DNAJC5: variants seen among roughly 807,000 people sequenced by gnomAD.
DNAJC5 encodes the protein dnaJ homolog subfamily C member 5.
Under a neutral mutation model 23.2 loss-of-function variants are expected in DNAJC5, and 1 was observed. That is an observed-to-expected ratio of 0.04 (90% CI 0.02 to 0.20). The LOEUF is 0.20. DNAJC5 is among the 10% of genes least tolerant of loss of function. DNAJC5 has a pLI of 1.00. For synonymous variants in DNAJC5, 136 were observed against 120.0 expected (o/e 1.13, Z -0.87); for missense variants, 180 against 267.0 (o/e 0.67, Z 2.27).
intron 1 of DNAJC5, among the ~76,000 whole-genome samples, chr20:63,895,676 C>T (rs1434948678): frequency 6.6e-6 from 1 of 152,038 alleles, no homozygotes; most frequent in African/African-American, 2.4e-5. Context: ...CCCGGGGTCT[C>T]CTCTCCTGCG....
rs1424758808 is a variant in DNAJC5 at position 63,925,891 on chromosome 20, G to A, written c.-11-2444G>A. 2.7e-5 allele frequency among the ~76,000 whole-genome samples: 4 copies of A among 147,050 alleles called. No individual in the cohort carries two copies. In the East Asian group the frequency reaches 6.1e-4, roughly 22 times the overall value. ...CGCCCAGGCTGGAGTGCAGTGGTGC[G>A]ATCTCTGCTCACTGCAAGCTCCGCC... On this transcript the variant is annotated intron_variant, in intron 1 of 4. Coordinates refer to ENST00000360864, the MANE Select transcript of DNAJC5 (RefSeq NM_025219.3).
chr20:63,934,200 C>T lies in DNAJC5; in HGVS notation c.*2632C>T, dbSNP rs946009658. 2 of 152,218 alleles carry T rather than the reference C, an allele frequency of 1.3e-5. No homozygotes were observed. The highest frequency in any genetic ancestry group is 6.5e-5 in the Admixed American group (1 of 15,280). The allele number at this position is 152,218 out of a possible 1,614,324, so 9.4% of individuals were successfully genotyped here. A position where few individuals can be genotyped will look rare whatever the true frequency, so the allele number is the denominator to read the frequency against. On this transcript the variant is annotated 3_prime_UTR_variant, in exon 5 of 5. Transcript: ENST00000360864. ...CTTAATTTAAGGAAAAAGATCCTCC[C>T]GGGTTTTATTTCTCTCTTTCTTGAG...
At chr20:63,902,878 C>T (rs574789074) in intron 1 of DNAJC5, among the ~76,000 whole-genome samples, 8 of 149,298 alleles carry the variant, frequency 5.4e-5, no homozygotes, top group South Asian at 2.1e-4. Flanking sequence ...GGGATTTCAT[C>T]GTGTTAGCCA....
At chr20:63,923,854 T>C (rs1441184864) in intron 1 of DNAJC5, among the ~76,000 whole-genome samples, 1 of 152,252 alleles carries the variant, frequency 6.6e-6, no homozygotes, top group Non-Finnish European at 1.5e-5. Flanking sequence ...TCCAAGTCAT[T>C]CTGCGCTCTT....
chr20:63,919,314 G>A (rs751789798), intron 1 of DNAJC5: 89 of 475,138 alleles, frequency 1.9e-4, no homozygotes, highest in South Asian at 3.2e-4. Context: ...GCATGTGATC[G>A]ATGCATCGTA....
At chr20:63,907,088 C>CTAAAA (rs915505091) in intron 1 of DNAJC5, among the ~76,000 whole-genome samples, 7 of 151,966 alleles carry the variant, frequency 4.6e-5, no homozygotes, top group South Asian at 2.1e-4. Flanking sequence ...GACTCTGTCT[C>CTAAAA]TAAAATAAAA....
chr20:63,912,358 G>A (rs542916585), intron 1 of DNAJC5, among the ~76,000 whole-genome samples: 5 of 151,470 alleles, frequency 3.3e-5, no homozygotes, highest in South Asian at 2.1e-4. Flanking sequence ...GGCACACAGC[G>A]TCTTTTCTCT....
chr20:63,929,185 A>G lies in DNAJC5; in HGVS notation c.108-127A>G. On this transcript the variant is annotated intron_variant, in intron 2 of 4. Transcript: ENST00000360864. The surrounding 1 kb of genome is among the most constrained non-coding windows in gnomAD (Gnocchi z 8.6). Reference sequence around the variant, plus strand: ...CCCCTGCAGCCCTGGAGAGTCGGACAGTGAGGTGGCCTGGGTGGACCTGCC... The same window carrying G: ...CCCCTGCAGCCCTGGAGAGTCGGACGGTGAGGTGGCCTGGGTGGACCTGCC... The G allele has an allele frequency of 1.8e-6, 2 of 1,104,196 alleles. No homozygotes were observed. Among genetic ancestry groups the G allele is most frequent in the South Asian group, 1.3e-5 (1 of 74,498 alleles). The allele number at this position is 1,104,196 out of a possible 1,614,324, so 68.4% of individuals were successfully genotyped here. A position where few individuals can be genotyped will look rare whatever the true frequency, so the allele number is the denominator to read the frequency against.
rs1036769692 is a variant in DNAJC5 at position 63,933,139 on chromosome 20, A to G, written c.*1571A>G. On this transcript the variant is annotated 3_prime_UTR_variant, in exon 5 of 5. Coordinates refer to ENST00000360864, the MANE Select transcript of DNAJC5 (RefSeq NM_025219.3). ...CCCTGTAGAGATAAAGCTGAGGAGG[A>G]GGCTGTGTGTGATGGCTCTGGCTCG... 6.6e-6 allele frequency: 1 copy of G among 152,304 alleles called. No homozygotes were observed. The highest frequency in any genetic ancestry group is 2.4e-5 in the African/African-American group (1 of 41,418). 9.4% of individuals were successfully genotyped at this position (152,304 alleles called of 1,614,324 possible).
intron 1 of DNAJC5, among the ~76,000 whole-genome samples, chr20:63,901,833 T>A (rs2053414968): frequency 6.6e-6 from 1 of 152,202 alleles, no homozygotes; most frequent in Non-Finnish European, 1.5e-5. Flanking sequence ...AAATTCTGGG[T>A]CCAGGAGTAC....
At chr20:63,907,491 G>C (rs1001641160) in intron 1 of DNAJC5, among the ~76,000 whole-genome samples, 1 of 152,194 alleles carries the variant, frequency 6.6e-6, no homozygotes, top group Non-Finnish European at 1.5e-5. Context: ...ACATGGGGAG[G>C]TGTTGAGTAA....
chr20:63,930,339 G>C (rs1437519501), intron 3 of DNAJC5, among the ~76,000 whole-genome samples: 2 of 152,056 alleles, frequency 1.3e-5, no homozygotes, highest in East Asian at 3.9e-4. Flanking sequence ...ACTGTGCCCA[G>C]CCTGGAGGCT....
At chr20:63,917,795 C>T (rs1187696836) in intron 1 of DNAJC5, among the ~76,000 whole-genome samples, 2 of 151,704 alleles carry the variant, frequency 1.3e-5, no homozygotes, top group South Asian at 2.1e-4. Flanking sequence ...GACCTCAAGC[C>T]ATCTGCCCAC....
intron 1 of DNAJC5, among the ~76,000 whole-genome samples, chr20:63,912,902 G>A (rs959106686): frequency 8.5e-5 from 13 of 152,242 alleles, no homozygotes; most frequent in Admixed American, 7.2e-4. Flanking sequence ...CACCGTGCCC[G>A]GCCGGCAGTC....
In DNAJC5 at chr20:63,932,292, G is replaced by C. The variant is rs1220050421; in HGVS notation, c.*724G>C. On this transcript the variant is annotated 3_prime_UTR_variant, in exon 5 of 5. Coordinates refer to ENST00000360864, the MANE Select transcript of DNAJC5 (RefSeq NM_025219.3). This position sits in a 1 kb window ranked among gnomAD's most constrained non-coding sequence, Gnocchi z 4.4. ...GTGTCCTCCGCGGTGTTTCTCGCCT[G>C]GTCGTCTCGTCGTGTGGACGCTGCC... 1.3e-5 allele frequency: 2 copies of C among 152,808 alleles called. No homozygotes were observed. Among genetic ancestry groups the C allele is most frequent in the Non-Finnish European group, 2.9e-5 (2 of 68,344 alleles). The allele number at this position is 152,808 out of a possible 1,614,324, so 9.5% of individuals were successfully genotyped here. A position where few individuals can be genotyped will look rare whatever the true frequency, so the allele number is the denominator to read the frequency against.
Position 63,928,842 on chromosome 20 carries a change from G to A in DNAJC5, c.107+390G>A, listed in dbSNP as rs1021625600. ...GCCTTCTGATTGAGCTTGAAGAACT[G>A]CACTCTTGGGTACAGTTTCATTGAG... On this transcript the variant is annotated intron_variant, in intron 2 of 4. Coordinates refer to ENST00000360864, the MANE Select transcript of DNAJC5 (RefSeq NM_025219.3). This position sits in a 1 kb window ranked among gnomAD's most constrained non-coding sequence, Gnocchi z 4.6. Among the ~76,000 whole-genome samples the A allele has an allele frequency of 2.0e-5, 3 of 152,142 alleles. No homozygotes were observed. The East Asian group carries it at 5.8e-4, about 29-fold the overall frequency.
At chr20:63,930,723 C>T in intron 3 of DNAJC5, 128 bp from the exon 4 acceptor site, 2 of 1,431,542 alleles carry the variant, frequency 1.4e-6, no homozygotes, top group South Asian at 2.3e-5. Context: ...CCTTCTGCTT[C>T]CTGTCTGGAA....
At chr20:63,899,663 C>CCT (rs528560342) in intron 1 of DNAJC5, among the ~76,000 whole-genome samples, 90 of 152,290 alleles carry the variant, frequency 5.9e-4, no homozygotes, top group Admixed American at 2.0e-3. Context: ...CTCACTGCAA[C>CCT]CTCTGCCTCC....
Position 63,928,295 on chromosome 20 carries a change from T to A in DNAJC5, c.-11-40T>A. ...ATCAGCTCTGCCCTTGGTACTTTCATCTATACTTTGTGATACTTTCTTTTT... is the reference window on the plus strand; with the variant it reads ...ATCAGCTCTGCCCTTGGTACTTTCAACTATACTTTGTGATACTTTCTTTTT... On this transcript the variant is annotated intron_variant, in intron 1 of 4. Transcript: ENST00000360864. The surrounding 1 kb of genome is among the most constrained non-coding windows in gnomAD (Gnocchi z 4.6). 1 of 1,533,938 alleles carries A rather than the reference T, an allele frequency of 6.5e-7. No homozygotes were observed. Among genetic ancestry groups the A allele is most frequent in the Non-Finnish European group, 9.0e-7 (1 of 1,111,672 alleles).
Sources: allele counts gnomAD v4.1 joint callset (sites outside exome capture counted in the v4.1 genomes callset), GRCh38; gene constraint gnomAD v4.1.1; non-coding constraint Gnocchi (gnomAD v3.1); transcripts MANE v1.5; gene names NCBI Gene and HGNC (gene_info 2026-07-23, HGNC 2026-07-21).